WDR27: variants seen among roughly 807,000 people sequenced by gnomAD.
WDR27 encodes the protein WD repeat domain 27.
WDR27 carries 100 observed loss-of-function variants against 114.4 expected under a neutral mutation model. The ratio of observed to expected loss-of-function variants is 0.87; its 90% CI spans 0.74 to 1.03. The LOEUF is 1.03. Among genes scored for constraint, WDR27 ranks in the 50% least tolerant of loss-of-function variants. The pLI is 0.00. For missense variants in WDR27, 1,129 were observed against 1,092.9 expected (o/e 1.03, Z -0.47); for synonymous variants, 449 against 423.1 (o/e 1.06, Z -0.75).
intron 16 of WDR27, among the ~76,000 whole-genome samples, chr6:169,647,168 C>CA (rs1820952115): frequency 6.6e-6 from 1 of 152,212 alleles, no homozygotes. Flanking sequence ...TCCCTTCTTT[C>CA]AAGCACTATT....
chr6:169,597,833 A>T (rs910787273), intron 23 of WDR27, among the ~76,000 whole-genome samples: 2 of 151,638 alleles, frequency 1.3e-5, no homozygotes, highest in Non-Finnish European at 2.9e-5. Context: ...TATCAAAAAA[A>T]AGTTCTGCCA....
In WDR27 at chr6:169,689,489, C is replaced by G. The variant is rs1783896430; in HGVS notation, c.-7-477G>C. 2.0e-5 allele frequency among the ~76,000 whole-genome samples: 3 copies of G among 152,252 alleles called. No homozygotes were observed. In the South Asian group the frequency reaches 6.2e-4, roughly 32 times the overall value. On this transcript the variant is annotated intron_variant, in intron 1 of 25. Transcript: ENST00000448612. ...AGGAAACTGCAATTGGAACCCGCAT[C>G]TCCCATAACTAACCTGGGCTTGATT...
chr6:169,565,810 C>T lies in WDR27; in HGVS notation c.2645+6609G>A, dbSNP rs144123308. Among the ~76,000 whole-genome samples, 437 of 152,324 alleles carry T rather than the reference C, an allele frequency of 2.9e-3. 3 individuals are homozygous for T. The highest frequency in any genetic ancestry group is 0.01 in the African/African-American group (422 of 41,572). Reference sequence around the variant, plus strand: ...GGGACTACAGGCATGAGCCACCACACGCAGCTGATTTTTCATTTTTGTAGA... The same window carrying T: ...GGGACTACAGGCATGAGCCACCACATGCAGCTGATTTTTCATTTTTGTAGA... On this transcript the variant is annotated intron_variant, in intron 25 of 25. Coordinates refer to ENST00000448612, the MANE Select transcript of WDR27 (RefSeq NM_182552.5).
chr6:169,557,627 T>C (rs967849896), intron 25 of WDR27, among the ~76,000 whole-genome samples: 2 of 152,240 alleles, frequency 1.3e-5, no homozygotes, highest in African/African-American at 4.8e-5. Context: ...TTCTTTTATT[T>C]TGATTAAAAA....
At chr6:169,650,775 ATC>A (rs1459905544) in intron 14 of WDR27, among the ~76,000 whole-genome samples, 2 of 140,518 alleles carry the variant, frequency 1.4e-5, no homozygotes, top group African/African-American at 5.5e-5. Flanking sequence ...CCACTTATTC[ATC>A]TCTCATCTCT....
intron 25 of WDR27, among the ~76,000 whole-genome samples, chr6:169,479,618 T>C (rs924861443): frequency 6.6e-6 from 1 of 152,220 alleles, no homozygotes; most frequent in Non-Finnish European, 1.5e-5. Context: ...TAATGAGTTA[T>C]TATTTCTCAT....
intron 5 of WDR27, chr6:169,667,455 A>G (rs1481359936): frequency 1.1e-6 from 1 of 922,964 alleles, no homozygotes; most frequent in African/African-American, 1.8e-5. Context: ...GGTGAAAAAC[A>G]GTTCCCAGGC....
chr6:169,438,513 AG>A, the WDR27 span, among the ~76,000 whole-genome samples: 1 of 152,172 alleles, frequency 6.6e-6, no homozygotes, highest in Non-Finnish European at 1.5e-5. Context: ...CTGGGATTAC[AG>A]GCGTGAGCCA....
At chr6:169,474,361 A>T (rs1178758264) in intron 25 of WDR27, among the ~76,000 whole-genome samples, 1 of 152,244 alleles carries the variant, frequency 6.6e-6, no homozygotes, top group Non-Finnish European at 1.5e-5. Context: ...TAAACAGCAG[A>T]AACAAAGTAC....
At chr6:169,658,803 C>T (rs1004880316) in intron 12 of WDR27, among the ~76,000 whole-genome samples, 1 of 151,996 alleles carries the variant, frequency 6.6e-6, no homozygotes, top group Non-Finnish European at 1.5e-5. Context: ...TCTGCCTCAG[C>T]CTCCCGACTA....
At position 169,672,393 on chromosome 6, in the gene WDR27, G is replaced by C; in HGVS notation, c.193C>G (p.Leu65Val). 1 of 1,590,732 alleles carries C rather than the reference G, an allele frequency of 6.3e-7. No homozygotes were observed. Among genetic ancestry groups the C allele is most frequent in the Non-Finnish European group, 8.6e-7 (1 of 1,169,156 alleles). ...GGCTGATGGTGTCCTCGTAGGATTA[G>C]AAGCTGGGAAAATTAACAAAAATAA... ...WNTKDPSHQL[L>V]ILRGHHQPIT... The change falls in exon 3 of 26, where the codon CTA becomes GTA. Residue 65 changes from leucine (L) to valine (V), a missense_variant. By Grantham distance (32) the Leu-to-Val change is conservative. Transcript: ENST00000448612.
At chr6:169,649,926 C>T (rs1821841797) in intron 14 of WDR27, among the ~76,000 whole-genome samples, 1 of 147,978 alleles carries the variant, frequency 6.8e-6, no homozygotes, top group Non-Finnish European at 1.5e-5. Context: ...ACCCATGCAG[C>T]CATCCCTCAC....
chr6:169,615,444 T>C (rs1201592459), intron 21 of WDR27, among the ~76,000 whole-genome samples: 2 of 152,164 alleles, frequency 1.3e-5, no homozygotes, highest in Non-Finnish European at 2.9e-5. Flanking sequence ...GTTCTCATCA[T>C]GTAGCTCAAA....
At chr6:169,534,201 C>T (rs1333915870) in intron 25 of WDR27, among the ~76,000 whole-genome samples, 1 of 152,172 alleles carries the variant, frequency 6.6e-6, no homozygotes, top group African/African-American at 2.4e-5. Flanking sequence ...TGCTAATTTG[C>T]ATTTGTTAAA....
At chr6:169,603,346 T>G (rs1808431219) in intron 22 of WDR27, among the ~76,000 whole-genome samples, 1 of 152,106 alleles carries the variant, frequency 6.6e-6, no homozygotes, top group Non-Finnish European at 1.5e-5. Flanking sequence ...TGTCACAATA[T>G]TTGTCATAAA....
the WDR27 span, among the ~76,000 whole-genome samples, chr6:169,450,186 G>A: frequency 2.0e-5 from 3 of 152,206 alleles, no homozygotes; most frequent in Admixed American, 2.0e-4. Flanking sequence ...GCACCGCTCT[G>A]CTCTGCATGA....
intron 22 of WDR27, among the ~76,000 whole-genome samples, chr6:169,610,451 C>A (rs973195427): frequency 5.3e-5 from 8 of 152,118 alleles, no homozygotes; most frequent in African/African-American, 1.9e-4. Context: ...AGGGTAAAGA[C>A]AAAATGAGGA....
chr6:169,674,911 G>A lies in WDR27; in HGVS notation c.190-2515C>T, dbSNP rs529190871. 7.2e-5 allele frequency among the ~76,000 whole-genome samples: 11 copies of A among 152,288 alleles called. No individual in the cohort carries two copies. The South Asian group carries it at 1.5e-3, about 20-fold the overall frequency. ...GGAAAAAGGGGAGTTGTTCTCTGGC[G>A]GGCAGGAGTAGGGGTCACAAAGTAC... On this transcript the variant is annotated intron_variant, in intron 2 of 25. Transcript: ENST00000448612.
At chr6:169,559,949 G>A (rs1220252667) in intron 25 of WDR27, 1 of 152,188 alleles carries the variant, frequency 6.6e-6, no homozygotes, top group Non-Finnish European at 1.5e-5. Context: ...AGGTAATGAG[G>A]TATCCGCTTG....
Sources: allele counts gnomAD v4.1 joint callset (sites outside exome capture counted in the v4.1 genomes callset), GRCh38; gene constraint gnomAD v4.1.1; transcripts MANE v1.5; gene names NCBI Gene and HGNC (gene_info 2026-07-23, HGNC 2026-07-21).